Variants in DYNC1I1 observed in about 807,000 individuals in gnomAD.
DYNC1I1 encodes the protein dynein cytoplasmic 1 intermediate chain 1.
In DYNC1I1, 43 loss-of-function variants were observed where a neutral mutation model predicts 86.6. That is an observed-to-expected ratio of 0.50 (90% CI 0.39 to 0.64). The LOEUF (loss-of-function observed/expected upper bound fraction) is 0.64, where lower values mean the gene tolerates loss of function less well. Ranked by LOEUF, DYNC1I1 falls within the 30% of genes least tolerant of loss-of-function variation. The probability of loss-of-function intolerance (pLI) is 0.00; values close to 1 mark genes in which losing one functional copy is unlikely to be tolerated. For missense variants in DYNC1I1, 604 were observed against 788.8 expected, an observed-to-expected ratio of 0.77 and a Z score of 2.81; for synonymous variants, 262 against 283.7, an observed-to-expected ratio of 0.92 and a Z score of 0.77.
intron 1 of DYNC1I1, among the ~76,000 whole-genome samples, chr7:95,774,226 C>T (rs921185457): frequency 3.3e-5 from 5 of 152,190 alleles, no homozygotes; most frequent in African/African-American, 1.2e-4. Flanking sequence ...CGAATGCAGG[C>T]TTTTCCAGCC....
At chr7:95,953,895 T>G (rs1041967626) in intron 6 of DYNC1I1, among the ~76,000 whole-genome samples, 1 of 152,184 alleles carries the variant, frequency 6.6e-6, no homozygotes, top group African/African-American at 2.4e-5. Context: ...TGTGACTTAA[T>G]TCTATGCAGG....
intron 6 of DYNC1I1, among the ~76,000 whole-genome samples, chr7:95,905,433 C>T (rs1020760367): frequency 2.6e-5 from 4 of 152,166 alleles, no homozygotes; most frequent in Admixed American, 1.3e-4. Context: ...TGTAGACCTA[C>T]TCAGCTGCAG....
chr7:95,941,801 T>C (rs1792231490), intron 6 of DYNC1I1, among the ~76,000 whole-genome samples: 1 of 152,168 alleles, frequency 6.6e-6, no homozygotes, highest in African/African-American at 2.4e-5. Context: ...CACAGTGCAC[T>C]GCACCCACTG....
chr7:95,978,136 C>G (rs1192843992), intron 7 of DYNC1I1, among the ~76,000 whole-genome samples: 2 of 152,254 alleles, frequency 1.3e-5, no homozygotes, highest in Admixed American at 6.5e-5. Context: ...GCCCTTGGCT[C>G]TCTTCTAAGC....
intron 16 of DYNC1I1, among the ~76,000 whole-genome samples, chr7:96,082,121 G>A (rs901732458): frequency 6.6e-6 from 1 of 151,986 alleles, no homozygotes; most frequent in Non-Finnish European, 1.5e-5. Context: ...CGGAAATACC[G>A]CCAGTAGTGT....
chr7:95,819,251 T>C (rs912637330), intron 4 of DYNC1I1, among the ~76,000 whole-genome samples: 5 of 152,198 alleles, frequency 3.3e-5, no homozygotes, highest in Non-Finnish European at 5.9e-5. Context: ...ATAGTTACTA[T>C]TCAGTTTCTT....
chr7:96,018,855 G>A (rs1174047819), intron 10 of DYNC1I1, among the ~76,000 whole-genome samples: 5 of 152,138 alleles, frequency 3.3e-5, no homozygotes, highest in African/African-American at 7.2e-5. Flanking sequence ...ACATTGATGC[G>A]GAAGGAAACT....
At chr7:95,953,199 T>A (rs1792605861) in intron 6 of DYNC1I1, among the ~76,000 whole-genome samples, 1 of 151,106 alleles carries the variant, frequency 6.6e-6, no homozygotes, top group Admixed American at 6.6e-5. Flanking sequence ...ATTTTCATAA[T>A]CTCTAAGGCA....
At chr7:95,948,422 A>G (rs1387731155) in intron 6 of DYNC1I1, among the ~76,000 whole-genome samples, 1 of 152,152 alleles carries the variant, frequency 6.6e-6, no homozygotes, top group Non-Finnish European at 1.5e-5. Context: ...CCATGCTTGT[A>G]TCTATCATCA....
At chr7:96,090,546 T>TA (rs1790810904) in intron 16 of DYNC1I1, among the ~76,000 whole-genome samples, 1 of 150,920 alleles carries the variant, frequency 6.6e-6, no homozygotes, top group African/African-American at 2.4e-5. Context: ...GTAAAAATAG[T>TA]AAAAATAAAC....
At chr7:95,821,076 G>A (rs1340183704) in intron 4 of DYNC1I1, among the ~76,000 whole-genome samples, 2 of 152,130 alleles carry the variant, frequency 1.3e-5, no homozygotes, top group Non-Finnish European at 2.9e-5. Flanking sequence ...CGTAAAAACT[G>A]TTTCTTTTGG....
chr7:95,866,224 T>C (rs983580652), intron 5 of DYNC1I1, among the ~76,000 whole-genome samples: 1 of 152,192 alleles, frequency 6.6e-6, no homozygotes, highest in Non-Finnish European at 1.5e-5. Context: ...AGTGATTGTA[T>C]GGTACTTAAC....
At chr7:95,968,853 T>G (rs970438994) in intron 6 of DYNC1I1, among the ~76,000 whole-genome samples, 7 of 150,052 alleles carry the variant, frequency 4.7e-5, no homozygotes, top group African/African-American at 1.7e-4. Flanking sequence ...TGTGTGTGTG[T>G]GTGTGTGTGT....
intron 4 of DYNC1I1, among the ~76,000 whole-genome samples, chr7:95,823,458 G>A (rs1339231252): frequency 1.3e-5 from 2 of 152,278 alleles, no homozygotes; most frequent in South Asian, 4.1e-4. Flanking sequence ...TTTAAACTGT[G>A]CCAGTCTCTG....
At chr7:95,891,525 G>C (rs781007739) in intron 6 of DYNC1I1, among the ~76,000 whole-genome samples, 3 of 152,218 alleles carry the variant, frequency 2.0e-5, no homozygotes, top group African/African-American at 4.8e-5. Context: ...GTTTAATCAG[G>C]GGACACTATT....
chr7:95,894,869 A>T (rs58964305), intron 6 of DYNC1I1, among the ~76,000 whole-genome samples: 16,994 of 152,160 alleles, frequency 0.11, 1,045 homozygotes, highest in South Asian at 0.22. Context: ...CAGTTGAGGC[A>T]AAACTTCTTA....
chr7:96,067,569 T>G (rs1430638984), intron 14 of DYNC1I1, among the ~76,000 whole-genome samples: 1 of 152,006 alleles, frequency 6.6e-6, no homozygotes, highest in African/African-American at 2.4e-5. Context: ...ATACTTCCTG[T>G]CCTTTTACCT....
intron 5 of DYNC1I1, among the ~76,000 whole-genome samples, chr7:95,860,776 G>C (rs1270260817): frequency 1.3e-5 from 2 of 152,102 alleles, no homozygotes; most frequent in Non-Finnish European, 2.9e-5. Flanking sequence ...ATGGCAAAAG[G>C]GGCAAATGCT....
chr7:96,018,823 C>T (rs1196211053), intron 10 of DYNC1I1, among the ~76,000 whole-genome samples: 1 of 152,158 alleles, frequency 6.6e-6, no homozygotes, highest in African/African-American at 2.4e-5. Flanking sequence ...GACACGATTC[C>T]ATAAGGGAAA....
Sources: gnomAD v4.1 joint callset for allele counts (sites outside exome capture counted in the v4.1 genomes callset) on GRCh38, gnomAD v4.1.1 for gene constraint, MANE v1.5 for transcripts, NCBI Gene and HGNC (gene_info 2026-07-23, HGNC 2026-07-21) for gene names.